KLHL32: variants seen among roughly 807,000 people sequenced by gnomAD.
KLHL32 encodes kelch like family member 32.
A neutral mutation model predicts 64.8 loss-of-function variants in KLHL32; 35 were observed. That is an observed-to-expected ratio of 0.54 (90% CI 0.41 to 0.72). The LOEUF is 0.72. Among genes scored for constraint, KLHL32 ranks in the 30% least tolerant of loss-of-function variants. KLHL32 has a pLI of 0.00. For synonymous variants in KLHL32, 259 were observed against 281.0 expected, an observed-to-expected ratio of 0.92 and a Z score of 0.78; for missense variants, 589 against 768.5, an observed-to-expected ratio of 0.77 and a Z score of 2.76.
intron 1 of KLHL32, among the ~76,000 whole-genome samples, chr6:96,934,242 C>G (rs142287245): frequency 1.2e-4 from 19 of 152,294 alleles, no homozygotes; most frequent in Non-Finnish European, 2.2e-4. Context: ...ACTGGATCTT[C>G]TATACTTACT....
At chr6:97,025,129 A>G (rs1375468285) in intron 3 of KLHL32, 3 of 984,012 alleles carry the variant, frequency 3.0e-6, no homozygotes, top group Non-Finnish European at 3.6e-6. Flanking sequence ...AAGACATCTG[A>G]TCCTGTGAGC....
At chr6:97,124,506 A>G (rs1043456138) in intron 7 of KLHL32, among the ~76,000 whole-genome samples, 4 of 152,190 alleles carry the variant, frequency 2.6e-5, no homozygotes, top group Non-Finnish European at 4.4e-5. Context: ...GAGGGGATGT[A>G]ATAGCTACAT....
chr6:97,052,366 G>C (rs1787066580), intron 4 of KLHL32, among the ~76,000 whole-genome samples: 2 of 152,274 alleles, frequency 1.3e-5, no homozygotes, highest in South Asian at 4.1e-4. Context: ...ACAACTCTTG[G>C]TATTATACAA....
chr6:96,984,115 T>C (rs1188868691), intron 3 of KLHL32, among the ~76,000 whole-genome samples: 1 of 152,232 alleles, frequency 6.6e-6, no homozygotes, highest in East Asian at 1.9e-4. Context: ...ACATCTTTAT[T>C]TCTGCCTTCA....
chr6:97,027,347 G>A (rs945580109), intron 3 of KLHL32, among the ~76,000 whole-genome samples: 4 of 152,102 alleles, frequency 2.6e-5, no homozygotes, highest in South Asian at 2.1e-4. Flanking sequence ...AGCCCTCAAC[G>A]GGGCTGCAGG....
In KLHL32 at chr6:97,114,756, CACA is replaced by C. The variant is rs549278973; in HGVS notation, c.1354+250_1354+252del. Among the ~76,000 whole-genome samples the C allele has an allele frequency of 3.1e-3, 466 of 152,288 alleles. 3 individuals are homozygous for C. Among genetic ancestry groups the C allele is most frequent in the Non-Finnish European group, 4.3e-3 (292 of 68,022 alleles). ...TTCAAGGTGGAAATTGTTGGTCCATCACAACTGTTTTTTTCCTACCAGAACTTC... is the reference window on the plus strand; with the variant it reads ...TTCAAGGTGGAAATTGTTGGTCCATCACTGTTTTTTTCCTACCAGAACTTC... On this transcript the variant is annotated intron_variant, in intron 7 of 10. Coordinates refer to ENST00000369261, the MANE Select transcript of KLHL32 (RefSeq NM_052904.4).
At chr6:96,991,613 G>C (rs1365255901) in intron 3 of KLHL32, among the ~76,000 whole-genome samples, 1 of 152,028 alleles carries the variant, frequency 6.6e-6, no homozygotes, top group Non-Finnish European at 1.5e-5. Context: ...GGGTAGCAGG[G>C]TGGGGACCTG....
the KLHL32 span, among the ~76,000 whole-genome samples, chr6:96,915,536 C>T: frequency 6.6e-6 from 1 of 151,958 alleles, no homozygotes; most frequent in African/African-American, 2.4e-5. Context: ...AGAAGCAGCT[C>T]TGAGTTAGAG....
At chr6:96,912,808 A>T in the KLHL32 span, among the ~76,000 whole-genome samples, 1 of 152,240 alleles carries the variant, frequency 6.6e-6, no homozygotes, top group East Asian at 1.9e-4. Flanking sequence ...CCTCCTAACT[A>T]CTTCCATGAT....
intron 1 of KLHL32, among the ~76,000 whole-genome samples, chr6:96,949,328 TTA>T (rs1772294627): frequency 1.1e-5 from 1 of 92,186 alleles, no homozygotes; most frequent in African/African-American, 4.6e-5. Context: ...GATATTCTAG[TTA>T]GTCAGTTTTC....
At chr6:97,034,272 C>G (rs1491002162) in intron 3 of KLHL32, among the ~76,000 whole-genome samples, 2 of 152,022 alleles carry the variant, frequency 1.3e-5, no homozygotes, top group Non-Finnish European at 2.9e-5. Flanking sequence ...TATTGAAAAG[C>G]CTGTCCTTTC....
intron 3 of KLHL32, among the ~76,000 whole-genome samples, chr6:97,000,286 C>A (rs1030075855): frequency 2.0e-5 from 3 of 152,094 alleles, no homozygotes; most frequent in African/African-American, 7.2e-5. Flanking sequence ...AAGTGTGGTC[C>A]ATGGATAAGT....
chr6:97,089,638 G>A (rs1216880834), intron 6 of KLHL32, among the ~76,000 whole-genome samples: 3 of 152,070 alleles, frequency 2.0e-5, no homozygotes, highest in Admixed American at 6.5e-5. Flanking sequence ...AATTAGCCAG[G>A]TGTGGTGGCA....
intron 3 of KLHL32, among the ~76,000 whole-genome samples, chr6:97,028,202 G>A (rs1036955512): frequency 1.3e-5 from 2 of 151,992 alleles, no homozygotes; most frequent in South Asian, 2.1e-4. Flanking sequence ...AGTAAGTGTC[G>A]GGTAGGAGCC....
At chr6:97,138,226 T>TAACA (rs1212303248) in intron 10 of KLHL32, among the ~76,000 whole-genome samples, 2 of 142,808 alleles carry the variant, frequency 1.4e-5, no homozygotes, top group Admixed American at 7.1e-5. Context: ...AGGCACTGAC[T>TAACA]AACAGAGGCT....
chr6:96,947,990 A>G (rs1772124210), intron 1 of KLHL32, among the ~76,000 whole-genome samples: 1 of 152,118 alleles, frequency 6.6e-6, no homozygotes, highest in Non-Finnish European at 1.5e-5. Flanking sequence ...GAATTGTATG[A>G]TGCTCCTAAA....
At chr6:97,089,549 C>T (rs887109537) in intron 6 of KLHL32, among the ~76,000 whole-genome samples, 13 of 152,106 alleles carry the variant, frequency 8.5e-5, no homozygotes, top group Admixed American at 2.6e-4. Context: ...GAGGCTGAGG[C>T]GGGCAGATCA....
chr6:97,084,497 C>G (rs567294861), intron 5 of KLHL32, among the ~76,000 whole-genome samples: 3 of 152,154 alleles, frequency 2.0e-5, no homozygotes, highest in Non-Finnish European at 4.4e-5. Flanking sequence ...GAGAAAAAAA[C>G]AAAGAACAAT....
intron 8 of KLHL32, among the ~76,000 whole-genome samples, chr6:97,127,803 ATTAAC>A (rs1799033779): frequency 1.3e-5 from 2 of 152,338 alleles, no homozygotes; most frequent in South Asian, 4.1e-4. Context: ...AAAAACAAGT[ATTAAC>A]TTAATATAGC....
Sources: allele counts gnomAD v4.1 joint callset (sites outside exome capture counted in the v4.1 genomes callset), GRCh38; gene constraint gnomAD v4.1.1; transcripts MANE v1.5; gene names NCBI Gene and HGNC (gene_info 2026-07-23, HGNC 2026-07-21).